Variants in CPA4 observed in about 807,000 individuals in gnomAD.
CPA4 encodes the protein carboxypeptidase A3.
In CPA4, 49 loss-of-function variants were observed where a neutral mutation model predicts 54.7. The ratio of observed to expected loss-of-function variants is 0.90; its 90% CI spans 0.71 to 1.14. The LOEUF (loss-of-function observed/expected upper bound fraction) is 1.14, where lower values mean the gene tolerates loss of function less well. CPA4 is among the 50% of genes most tolerant of loss of function. The pLI, the probability that CPA4 is intolerant of heterozygous loss-of-function variation, is 0.00. For missense variants in CPA4, 487 were observed against 525.1 expected, an observed-to-expected ratio of 0.93 and a Z score of 0.71; for synonymous variants, 215 against 206.8, an observed-to-expected ratio of 1.04 and a Z score of -0.34.
At position 130,310,666 on chromosome 7, in the gene CPA4, G is replaced by A; in HGVS notation, c.794-121G>A. On this transcript the variant is annotated intron_variant, in intron 8 of 10. Transcript: ENST00000222482. The surrounding 1 kb of genome is among the most constrained non-coding windows in gnomAD (Gnocchi z 4.3). ...ACACCCACCATGGACTAGGTGCTCT[G>A]GGCCGTCTCGCCATGGCCTGCCCAT... is the stretch of plus-strand genomic sequence containing the variant. 1.2e-6 allele frequency: 1 copy of A among 822,594 alleles called. No individual in the cohort carries two copies. Among genetic ancestry groups the A allele is most frequent in the Non-Finnish European group, 2.0e-6 (1 of 505,284 alleles). 51.0% of individuals were successfully genotyped at this position (822,594 alleles called of 1,614,324 possible).
chr7:130,304,783 A>C, intron 5 of CPA4: 1 of 597,894 alleles, frequency 1.7e-6, no homozygotes, highest in South Asian at 2.0e-5. Context: ...AGCACATCCC[A>C]TTCCAAGTTT....
At chr7:130,302,453 C>A (rs1400156009) in intron 4 of CPA4, among the ~76,000 whole-genome samples, 1 of 150,242 alleles carries the variant, frequency 6.7e-6, no homozygotes, top group Non-Finnish European at 1.5e-5. Context: ...TGCACCACTG[C>A]ACTCCAGCCT....
chr7:130,311,781 C>T (rs1421352111), intron 9 of CPA4, among the ~76,000 whole-genome samples: 1 of 152,096 alleles, frequency 6.6e-6, no homozygotes, highest in Admixed American at 6.6e-5. Context: ...AATGCACAGG[C>T]TTCCACTTCC....
chr7:130,294,538 A>G (rs1793620183), intron 1 of CPA4, among the ~76,000 whole-genome samples: 1 of 152,194 alleles, frequency 6.6e-6, no homozygotes, highest in Non-Finnish European at 1.5e-5. Context: ...TGGAACTGTC[A>G]GGCTCCCACT....
intron 10 of CPA4, among the ~76,000 whole-genome samples, chr7:130,312,407 T>A (rs1793929114): frequency 1.3e-5 from 2 of 152,268 alleles, no homozygotes; most frequent in South Asian, 2.1e-4. Context: ...GACTCCCTCA[T>A]CTTCCTAAAG....
chr7:130,308,948 G>A (rs996312156), intron 8 of CPA4, among the ~76,000 whole-genome samples: 8 of 151,110 alleles, frequency 5.3e-5, no homozygotes, highest in Non-Finnish European at 1.2e-4. Flanking sequence ...CCGCCTCCCG[G>A]GTTCAAGTGA....
At chr7:130,307,646 A>G (rs1793845149) in intron 7 of CPA4, among the ~76,000 whole-genome samples, 1 of 151,636 alleles carries the variant, frequency 6.6e-6, no homozygotes, top group African/African-American at 2.4e-5. Flanking sequence ...AAAAAAAAAA[A>G]AAAGTGTTTT....
Position 130,323,732 on chromosome 7 carries a change from C to T in CPA4, c.*1056C>T, listed in dbSNP as rs1794163401. 1 of 152,222 alleles carries T rather than the reference C, an allele frequency of 6.6e-6. No individual in the cohort carries two copies. The highest frequency in any genetic ancestry group is 1.5e-5 in the Non-Finnish European group (1 of 68,068). The allele number at this position is 152,222 out of a possible 1,614,324, so 9.4% of individuals were successfully genotyped here. A position where few individuals can be genotyped will look rare whatever the true frequency, so the allele number is the denominator to read the frequency against. On this transcript the variant is annotated 3_prime_UTR_variant, in exon 11 of 11. Coordinates refer to ENST00000222482, the MANE Select transcript of CPA4 (RefSeq NM_016352.4). ...AATTGCAGGATGGTGAAATTATCCC[C>T]ATCTGTCCTAATGGGCTTACCTCCT...
At chr7:130,307,412 A>G (rs6467295) in intron 7 of CPA4, among the ~76,000 whole-genome samples, 54,355 of 151,762 alleles carry the variant, frequency 0.36, 9,932 homozygotes, top group South Asian at 0.45. Context: ...TGGGCGGATC[A>G]TGAGGTCAGG....
At position 130,320,335 on chromosome 7, in the gene CPA4, G is replaced by A. The variant is rs188198074; in HGVS notation, c.1079-2154G>A. The stretch of plus-strand genomic sequence containing the variant: ...AAATAAAGTGAAGTTTACAAACTTC[G>A]TCATTTTGACTGCTCAGCAGAAGCC... On this transcript the variant is annotated intron_variant, in intron 10 of 10. Transcript: ENST00000222482. Among the ~76,000 whole-genome samples, 650 of 152,294 alleles carry A rather than the reference G, an allele frequency of 4.3e-3. 2 individuals carry two copies. Among genetic ancestry groups the A allele is most frequent in the Non-Finnish European group, 4.8e-3 (324 of 68,030 alleles).
intron 4 of CPA4, among the ~76,000 whole-genome samples, chr7:130,303,485 T>C (rs1279688574): frequency 6.6e-6 from 1 of 152,226 alleles, no homozygotes; most frequent in Non-Finnish European, 1.5e-5. Context: ...TGTTTAATAA[T>C]GTACACAATA....
At chr7:130,296,818 T>C (rs1215524752) in intron 1 of CPA4, among the ~76,000 whole-genome samples, 2 of 147,628 alleles carry the variant, frequency 1.4e-5, no homozygotes, top group African/African-American at 2.5e-5. Context: ...CTCCCAAGTA[T>C]AGAATCCCCA....
At chr7:130,319,492 A>C (rs1352073823) in intron 10 of CPA4, among the ~76,000 whole-genome samples, 1 of 152,236 alleles carries the variant, frequency 6.6e-6, no homozygotes, top group East Asian at 1.9e-4. Context: ...TGAAAAATCA[A>C]CTGACCAAAG....
chr7:130,295,065 G>C (rs906569405), intron 1 of CPA4, among the ~76,000 whole-genome samples: 2 of 152,238 alleles, frequency 1.3e-5, no homozygotes, highest in Admixed American at 1.3e-4. Flanking sequence ...AGGATGCCTA[G>C]AGGCACCAGG....
intron 4 of CPA4, among the ~76,000 whole-genome samples, chr7:130,304,096 C>T (rs940930021): frequency 1.3e-5 from 2 of 152,130 alleles, no homozygotes; most frequent in Admixed American, 6.5e-5. Flanking sequence ...AAACTCCTGG[C>T]CTCAAGCAAT....
intron 7 of CPA4, 168 bp from the exon 8 acceptor site, chr7:130,308,137 CCT>C: frequency 1.6e-6 from 1 of 628,152 alleles, no homozygotes; most frequent in East Asian, 2.7e-5. Context: ...GGGAAATACT[CCT>C]CTCTCTGCAG....
At chr7:130,305,318 A>T (rs1262260792) in intron 5 of CPA4, among the ~76,000 whole-genome samples, 1 of 152,214 alleles carries the variant, frequency 6.6e-6, no homozygotes, top group Non-Finnish European at 1.5e-5. Context: ...CTTCATTAGC[A>T]CCAAGCTCTG....
At chr7:130,295,684 A>G (rs551139811) in intron 1 of CPA4, among the ~76,000 whole-genome samples, 1 of 152,308 alleles carries the variant, frequency 6.6e-6, no homozygotes, top group East Asian at 1.9e-4. Context: ...TTCTGTTCAT[A>G]AGGATAATGC....
intron 3 of CPA4, 43 bp from the exon 4 acceptor site, chr7:130,300,773 C>A (rs1310324197): frequency 1.5e-6 from 2 of 1,371,690 alleles, no homozygotes; most frequent in Non-Finnish European, 2.1e-6. Flanking sequence ...CATAAACCTG[C>A]GTCTGCAATG....
Sources: allele counts gnomAD v4.1 joint callset (sites outside exome capture counted in the v4.1 genomes callset), GRCh38; gene constraint gnomAD v4.1.1; non-coding constraint Gnocchi (gnomAD v3.1); transcripts MANE v1.5; gene names NCBI Gene and HGNC (gene_info 2026-07-23, HGNC 2026-07-21).